The following DLG2 variants were observed in gnomAD, a reference collection of about 807,000 sequenced individuals.
DLG2 encodes the protein disks large homolog 2.
Under a neutral mutation model 132.5 loss-of-function variants are expected in DLG2, and 45 were observed. That is an observed-to-expected ratio of 0.34 (90% CI 0.27 to 0.44). The LOEUF (loss-of-function observed/expected upper bound fraction) is 0.44. DLG2 is among the 20% of genes least tolerant of loss of function. The pLI, the probability that DLG2 is intolerant of heterozygous loss-of-function variation, is 1.00. For synonymous variants in DLG2, 424 were observed against 419.6 expected, an observed-to-expected ratio of 1.01 and a Z score of -0.13; for missense variants, 1,045 against 1,196.9, an observed-to-expected ratio of 0.87 and a Z score of 1.87.
chr11:85,590,949 T>C (rs1442336261), intron 3 of DLG2, among the ~76,000 whole-genome samples: 3 of 152,146 alleles, frequency 2.0e-5, no homozygotes, highest in Non-Finnish European at 4.4e-5. Flanking sequence ...TTTTCCTATA[T>C]TAGCTACAGC....
rs1331730853 is a variant in DLG2 at position 83,799,259 on chromosome 11, T to C, written c.1723-12467A>G. ...AAAGAAAAAATGCTGCCAGCAGAAGTAGACCTTGAATGCCAGGGCAAGAAG... is the reference window on the plus strand; with the variant it reads ...AAAGAAAAAATGCTGCCAGCAGAAGCAGACCTTGAATGCCAGGGCAAGAAG... On this transcript the variant is annotated intron_variant, in intron 17 of 27. Transcript: ENST00000376104. 5.3e-5 allele frequency among the ~76,000 whole-genome samples: 8 copies of C among 152,300 alleles called. No individual in the cohort carries two copies. The East Asian group carries it at 1.5e-3, about 29-fold the overall frequency.
intron 11 of DLG2, among the ~76,000 whole-genome samples, chr11:83,990,409 C>T (rs1391483721): frequency 6.6e-6 from 1 of 152,046 alleles, no homozygotes; most frequent in East Asian, 1.9e-4. Flanking sequence ...CTGATTAAAG[C>T]CTTTAACTGA....
intron 6 of DLG2, among the ~76,000 whole-genome samples, chr11:84,839,067 A>T (rs988997830): frequency 1.3e-5 from 2 of 152,126 alleles, no homozygotes; most frequent in Non-Finnish European, 2.9e-5. Flanking sequence ...CTGTTTGCAG[A>T]TGACATGAGT....
intron 3 of DLG2, among the ~76,000 whole-genome samples, chr11:85,418,633 A>C (rs1269749483): frequency 6.6e-6 from 1 of 152,100 alleles, no homozygotes; most frequent in African/African-American, 2.4e-5. Context: ...CTCCTGTATT[A>C]GGTGTATATA....
intron 3 of DLG2, among the ~76,000 whole-genome samples, chr11:85,289,886 C>G (rs1365251400): frequency 6.6e-6 from 1 of 152,166 alleles, no homozygotes; most frequent in Non-Finnish European, 1.5e-5. Flanking sequence ...CTTGAATCTA[C>G]TCAAATAGTT....
In DLG2 at chr11:83,535,461, C is replaced by A. The variant is rs1254721647; in HGVS notation, c.2118-2678G>T. On this transcript the variant is annotated intron_variant, in intron 20 of 27. Coordinates refer to ENST00000376104, the MANE Select transcript of DLG2 (RefSeq NM_001142699.3). ...ACTGTCCCCTGCCCTGCACCCCAACCCCATTTCTATGTTTATCCTTTTCAA... is the reference window on the plus strand; with the variant it reads ...ACTGTCCCCTGCCCTGCACCCCAACACCATTTCTATGTTTATCCTTTTCAA... Among the ~76,000 whole-genome samples, 7 of 152,084 alleles carry A rather than the reference C, an allele frequency of 4.6e-5. No individual in the cohort carries two copies. The East Asian group carries it at 1.4e-3, about 29-fold the overall frequency.
At chr11:84,474,121 C>T (rs746814404) in intron 7 of DLG2, among the ~76,000 whole-genome samples, 3 of 152,028 alleles carry the variant, frequency 2.0e-5, no homozygotes, top group African/African-American at 4.8e-5. Flanking sequence ...CATCACCTTT[C>T]TCACAATCCC....
chr11:84,199,687 T>C (rs1031603176), intron 8 of DLG2, among the ~76,000 whole-genome samples: 3 of 151,940 alleles, frequency 2.0e-5, no homozygotes, highest in African/African-American at 7.2e-5. Flanking sequence ...AAAAGAAGAA[T>C]GAATGAATCA....
intron 15 of DLG2, among the ~76,000 whole-genome samples, chr11:83,917,760 C>T (rs769753640): frequency 1.8e-4 from 27 of 152,190 alleles, no homozygotes; most frequent in Non-Finnish European, 3.4e-4. Flanking sequence ...CTTGTCATTC[C>T]AATGAATGTC....
chr11:83,715,778 C>T (rs1299765934), intron 18 of DLG2, among the ~76,000 whole-genome samples: 3 of 152,170 alleles, frequency 2.0e-5, no homozygotes, highest in African/African-American at 4.8e-5. Flanking sequence ...ACTACTTTCA[C>T]TTCCTAGGAC....
chr11:84,746,029 T>C (rs911897296), intron 6 of DLG2, among the ~76,000 whole-genome samples: 3 of 152,176 alleles, frequency 2.0e-5, no homozygotes, highest in Non-Finnish European at 4.4e-5. Context: ...CTGACTACTA[T>C]GTGCCAGAAG....
At chr11:85,550,964 C>T (rs1422859502) in intron 3 of DLG2, among the ~76,000 whole-genome samples, 4 of 152,254 alleles carry the variant, frequency 2.6e-5, no homozygotes, top group East Asian at 3.9e-4. Context: ...TTGTGTCTAA[C>T]AGTCAAGAAA....
chr11:83,811,583 C>A (rs2047304929), intron 17 of DLG2, among the ~76,000 whole-genome samples: 1 of 151,982 alleles, frequency 6.6e-6, no homozygotes, highest in Non-Finnish European at 1.5e-5. Context: ...ACGACATTTG[C>A]TGTTTTGATT....
intron 11 of DLG2, among the ~76,000 whole-genome samples, chr11:84,032,476 G>A (rs2095729297): frequency 6.6e-6 from 1 of 152,212 alleles, no homozygotes; most frequent in South Asian, 2.1e-4. Context: ...TGAAAGAGGT[G>A]AGGAAACTGC....
intron 7 of DLG2, among the ~76,000 whole-genome samples, chr11:84,446,940 C>G (rs1222399731): frequency 6.6e-6 from 1 of 152,126 alleles, no homozygotes; most frequent in African/African-American, 2.4e-5. Context: ...AACAAGTCCA[C>G]GTGGCATCCC....
Position 85,152,566 on chromosome 11 carries a change from TG to T in DLG2, c.282+1989del, listed in dbSNP as rs532984364. ...CACCACCTTGGCCTCCCAAAGTGCA[TG>T]GGCTACCGCACCCAGCTCCACAAAT... On this transcript the variant is annotated intron_variant, in intron 5 of 27. Transcript: ENST00000376104. 1.3e-3 allele frequency among the ~76,000 whole-genome samples: 204 copies of T among 152,286 alleles called. 2 individuals are homozygous for T. The highest frequency in any genetic ancestry group is 4.5e-3 in the African/African-American group (189 of 41,570).
At position 83,648,375 on chromosome 11, in the gene DLG2, A is replaced by G. The variant is rs528534982; in HGVS notation, c.1826-15050T>C. ...ATATCAGAGAAAAGGGAGCAGCTAC[A>G]TAGAGGCAAGGACTATGCCTCTTCT... On this transcript the variant is annotated intron_variant, in intron 18 of 27. Transcript: ENST00000376104. Among the ~76,000 whole-genome samples the G allele has an allele frequency of 3.3e-5, 5 of 152,304 alleles. No individual in the cohort carries two copies. In the South Asian group the frequency reaches 1.0e-3, roughly 32 times the overall value.
At chr11:83,555,359 C>T (rs940310811) in intron 19 of DLG2, among the ~76,000 whole-genome samples, 2 of 152,152 alleles carry the variant, frequency 1.3e-5, no homozygotes, top group South Asian at 2.1e-4. Context: ...AGATTTACAT[C>T]GAAAACAGAT....
At chr11:84,358,026 A>G (rs540512843) in intron 7 of DLG2, among the ~76,000 whole-genome samples, 1 of 152,164 alleles carries the variant, frequency 6.6e-6, no homozygotes, top group South Asian at 2.1e-4. Flanking sequence ...TTATAATACT[A>G]CAATGACAAT....
Sources: gnomAD v4.1 joint callset for allele counts (sites outside exome capture counted in the v4.1 genomes callset) on GRCh38, gnomAD v4.1.1 for gene constraint, MANE v1.5 for transcripts, NCBI Gene and HGNC (gene_info 2026-07-23, HGNC 2026-07-21) for gene names.